Variants in NCKAP5 observed in about 807,000 individuals in gnomAD.
The protein encoded by NCKAP5 is nck-associated protein 5.
In NCKAP5, 92 loss-of-function variants were observed where a neutral mutation model predicts 167.0. The ratio of observed to expected loss-of-function variants is 0.55; its 90% CI spans 0.47 to 0.66. NCKAP5 has a LOEUF of 0.66. Ranked by LOEUF, NCKAP5 falls within the 30% of genes least tolerant of loss-of-function variation. The pLI, the probability that NCKAP5 is intolerant of heterozygous loss-of-function variation, is 0.00. For missense variants in NCKAP5, 2,378 were observed against 2,315.0 expected, an observed-to-expected ratio of 1.03 and a Z score of -0.56; for synonymous variants, 891 against 877.4, an observed-to-expected ratio of 1.02 and a Z score of -0.27.
intron 3 of NCKAP5, among the ~76,000 whole-genome samples, chr2:133,334,768 C>T (rs1411818839): frequency 6.6e-6 from 1 of 152,174 alleles, no homozygotes; most frequent in Non-Finnish European, 1.5e-5. Context: ...GCAGCAGATG[C>T]CTTGCCAGAA....
chr2:132,710,972 C>T (rs1037486087), intron 19 of NCKAP5, among the ~76,000 whole-genome samples: 14 of 152,108 alleles, frequency 9.2e-5, no homozygotes, highest in African/African-American at 2.7e-4. Context: ...AGCTAAGTTT[C>T]GAATGAAGAG....
chr2:133,493,595 A>G (rs569627182), intron 3 of NCKAP5, among the ~76,000 whole-genome samples: 1 of 152,336 alleles, frequency 6.6e-6, no homozygotes, highest in South Asian at 2.1e-4. Context: ...AAACCCAAAA[A>G]GGAATGAATA....
intron 4 of NCKAP5, among the ~76,000 whole-genome samples, chr2:133,242,735 C>G (rs1428207783): frequency 6.6e-6 from 1 of 152,180 alleles, no homozygotes; most frequent in Non-Finnish European, 1.5e-5. Flanking sequence ...ACAGCGAAGA[C>G]ACTCAAGGAT....
chr2:133,574,032 C>T, the NCKAP5 span, among the ~76,000 whole-genome samples: 2 of 152,134 alleles, frequency 1.3e-5, no homozygotes, highest in African/African-American at 2.4e-5. Context: ...TTGTGTGCCC[C>T]GATTGTCTAA....
intron 2 of NCKAP5, among the ~76,000 whole-genome samples, chr2:133,521,734 A>G (rs1684493138): frequency 6.6e-6 from 1 of 152,186 alleles, no homozygotes; most frequent in African/African-American, 2.4e-5. Flanking sequence ...TTTAACCTTA[A>G]TTACCTCCTT....
intron 19 of NCKAP5, among the ~76,000 whole-genome samples, chr2:132,698,682 A>T (rs900117748): frequency 1.3e-5 from 2 of 152,074 alleles, no homozygotes; most frequent in African/African-American, 4.8e-5. Context: ...AAAATACAAA[A>T]AATTAGCTGG....
At chr2:133,623,056 C>T in the NCKAP5 span, among the ~76,000 whole-genome samples, 1 of 152,082 alleles carries the variant, frequency 6.6e-6, no homozygotes. Flanking sequence ...GAGAAAAGGA[C>T]AGCCTATTCA....
At chr2:133,392,979 A>G (rs1687513182) in intron 3 of NCKAP5, among the ~76,000 whole-genome samples, 1 of 152,194 alleles carries the variant, frequency 6.6e-6, no homozygotes, top group Non-Finnish European at 1.5e-5. Flanking sequence ...TTCTCAGCAG[A>G]GAACTGAGTC....
chr2:133,075,589 A>T (rs2080573007), intron 6 of NCKAP5, among the ~76,000 whole-genome samples: 1 of 152,198 alleles, frequency 6.6e-6, no homozygotes. Flanking sequence ...CGTGCAAAGG[A>T]CCTACATAGT....
chr2:133,256,596 G>C (rs1046456809), intron 4 of NCKAP5, among the ~76,000 whole-genome samples: 1 of 152,094 alleles, frequency 6.6e-6, no homozygotes, highest in South Asian at 2.1e-4. Context: ...TAAAAAAATA[G>C]ATAAATGTAA....
Position 133,320,466 on chromosome 2 carries a change from C to T in NCKAP5, c.70-17356G>A, listed in dbSNP as rs866203749. ...GCCCTTGGCTGGGTGCGGTGGCTCACGCCTGTAATCCCAGCACTTTGGGAG... is the reference window on the plus strand; with the variant it reads ...GCCCTTGGCTGGGTGCGGTGGCTCATGCCTGTAATCCCAGCACTTTGGGAG... On this transcript the variant is annotated intron_variant, in intron 3 of 19. Transcript: ENST00000409261. 1.2e-4 allele frequency among the ~76,000 whole-genome samples: 18 copies of T among 152,158 alleles called. 1 individual carries two copies. The highest frequency in any genetic ancestry group is 5.2e-4 in the Admixed American group (8 of 15,274).
At chr2:132,985,314 A>C (rs1424877719) in intron 7 of NCKAP5, among the ~76,000 whole-genome samples, 1 of 152,144 alleles carries the variant, frequency 6.6e-6, no homozygotes, top group Non-Finnish European at 1.5e-5. Flanking sequence ...TCCGGAGAAG[A>C]ATGTACATAT....
chr2:133,306,497 G>A (rs1680788560), intron 3 of NCKAP5, among the ~76,000 whole-genome samples: 1 of 152,216 alleles, frequency 6.6e-6, no homozygotes, highest in Admixed American at 6.5e-5. Context: ...CCAGAAAGAT[G>A]TGGTCTCTCT....
At chr2:133,001,624 A>G (rs916994687) in intron 6 of NCKAP5, among the ~76,000 whole-genome samples, 3 of 151,930 alleles carry the variant, frequency 2.0e-5, no homozygotes, top group African/African-American at 7.3e-5. Context: ...GAACTGTTTG[A>G]CTCCAAACTT....
chr2:132,885,723 G>A (rs1692162538), intron 8 of NCKAP5, among the ~76,000 whole-genome samples: 1 of 152,196 alleles, frequency 6.6e-6, no homozygotes, highest in African/African-American at 2.4e-5. Flanking sequence ...AGGCTGGCTG[G>A]AACTTACGAA....
chr2:133,081,414 A>C (rs1359676324), intron 6 of NCKAP5, among the ~76,000 whole-genome samples: 1 of 152,198 alleles, frequency 6.6e-6, no homozygotes, highest in Non-Finnish European at 1.5e-5. Flanking sequence ...TTCATCACTT[A>C]ATATTTGCCA....
intron 3 of NCKAP5, among the ~76,000 whole-genome samples, chr2:133,469,602 G>C (rs934293985): frequency 1.3e-5 from 2 of 152,130 alleles, no homozygotes; most frequent in African/African-American, 4.8e-5. Context: ...ATCCTGCAGC[G>C]TGTTTTCCAA....
chr2:133,029,021 C>T (rs1295125939), intron 6 of NCKAP5, among the ~76,000 whole-genome samples: 1 of 152,140 alleles, frequency 6.6e-6, no homozygotes, highest in Non-Finnish European at 1.5e-5. Context: ...GAAGCAGATG[C>T]CACTATGCTT....
intron 8 of NCKAP5, among the ~76,000 whole-genome samples, chr2:132,962,059 C>A (rs145596065): frequency 1.3e-5 from 2 of 152,146 alleles, no homozygotes; most frequent in Non-Finnish European, 2.9e-5. Context: ...GAGTTGCTAG[C>A]GATTCCTTTA....
Sources: gnomAD v4.1 joint callset for allele counts (sites outside exome capture counted in the v4.1 genomes callset) on GRCh38, gnomAD v4.1.1 for gene constraint, MANE v1.5 for transcripts, NCBI Gene and HGNC (gene_info 2026-07-23, HGNC 2026-07-21) for gene names.